The following PDGFRL variants were observed in gnomAD, a reference collection of about 807,000 sequenced individuals.
PDGFRL encodes platelet derived growth factor receptor like, also known as platelet-derived growth factor receptor-like protein.
Under a neutral mutation model 37.2 loss-of-function variants are expected in PDGFRL, and 46 were observed. The ratio of observed to expected loss-of-function variants is 1.24; its 90% CI spans 0.98 to 1.58. PDGFRL has a LOEUF of 1.58. Among genes scored for constraint, PDGFRL ranks in the 40% most tolerant of loss-of-function variants. PDGFRL has a pLI of 0.00. For missense variants in PDGFRL, 692 were observed against 467.6 expected, an observed-to-expected ratio of 1.48 and a Z score of -4.43; for synonymous variants, 251 against 184.3, an observed-to-expected ratio of 1.36 and a Z score of -2.93.
intron 1 of PDGFRL, among the ~76,000 whole-genome samples, chr8:17,587,036 G>A (rs1803833343): frequency 6.6e-6 from 1 of 152,156 alleles, no homozygotes; most frequent in South Asian, 2.1e-4. Flanking sequence ...TTAGGCTGAA[G>A]AGTCATATTC....
chr8:17,623,321 A>G (rs1804667769), intron 3 of PDGFRL, among the ~76,000 whole-genome samples: 1 of 152,212 alleles, frequency 6.6e-6, no homozygotes, highest in African/African-American at 2.4e-5. Context: ...GTTCATAGGC[A>G]ATCTCTTTGG....
chr8:17,588,085 G>T (rs1803854909), intron 1 of PDGFRL, among the ~76,000 whole-genome samples: 1 of 152,040 alleles, frequency 6.6e-6, no homozygotes, highest in Non-Finnish European at 1.5e-5. Context: ...TATAGAGAAG[G>T]CAAAAATGAC....
upstream of PDGFRL, chr8:17,577,151 G>A (rs571514134): frequency 2.2e-6 from 3 of 1,368,254 alleles, no homozygotes; most frequent in Admixed American, 7.5e-5. Context: ...GAATCCTCCC[G>A]CTTCGGCGTC....
chr8:17,613,457 A>G (rs1309948839), intron 2 of PDGFRL, among the ~76,000 whole-genome samples: 2 of 152,170 alleles, frequency 1.3e-5, no homozygotes, highest in Admixed American at 6.5e-5. Flanking sequence ...TATGGCGGGC[A>G]GAGTCCAGGC....
At chr8:17,583,418 C>T (rs1320378206) in intron 1 of PDGFRL, among the ~76,000 whole-genome samples, 1 of 152,188 alleles carries the variant, frequency 6.6e-6, no homozygotes, top group Non-Finnish European at 1.5e-5. Context: ...TTTTGATTTT[C>T]CAGGCTCACA....
chr8:17,612,257 G>A (rs930522904), intron 2 of PDGFRL, among the ~76,000 whole-genome samples: 14 of 152,172 alleles, frequency 9.2e-5, no homozygotes, highest in African/African-American at 2.2e-4. Flanking sequence ...TTGTGCTTAC[G>A]CATTTATGCA....
chr8:17,617,305 T>C (rs1804549198), intron 2 of PDGFRL, among the ~76,000 whole-genome samples: 1 of 152,170 alleles, frequency 6.6e-6, no homozygotes, highest in South Asian at 2.1e-4. Flanking sequence ...ATTCTGCTTC[T>C]CTTAGGACGC....
At chr8:17,640,618 C>A (rs550582155) in intron 5 of PDGFRL, among the ~76,000 whole-genome samples, 3 of 152,130 alleles carry the variant, frequency 2.0e-5, no homozygotes, top group African/African-American at 7.2e-5. Flanking sequence ...GTACAGAGTC[C>A]TTTGATGTCT....
At chr8:17,633,096 C>G (rs1173393871) in intron 4 of PDGFRL, among the ~76,000 whole-genome samples, 3 of 152,170 alleles carry the variant, frequency 2.0e-5, no homozygotes, top group Admixed American at 6.5e-5. Flanking sequence ...GTCCATCACC[C>G]TCCCTGCTCT....
intron 2 of PDGFRL, among the ~76,000 whole-genome samples, chr8:17,615,439 A>G (rs1379877587): frequency 6.6e-6 from 1 of 152,130 alleles, no homozygotes. Context: ...CTCTTAATTT[A>G]TAAGTGTTTG....
chr8:17,581,848 C>T (rs1249456798), intron 1 of PDGFRL, among the ~76,000 whole-genome samples: 4 of 152,078 alleles, frequency 2.6e-5, no homozygotes, highest in Admixed American at 2.6e-4. Context: ...CCTACGTATT[C>T]CTCTATAGCA....
intron 2 of PDGFRL, among the ~76,000 whole-genome samples, chr8:17,617,830 T>G (rs1281446113): frequency 1.3e-5 from 2 of 152,274 alleles, no homozygotes; most frequent in Non-Finnish European, 2.9e-5. Flanking sequence ...TCTTATACTT[T>G]CTATCACTAC....
At chr8:17,630,443 CGA>C (rs1227473054) in intron 4 of PDGFRL, among the ~76,000 whole-genome samples, 3 of 152,140 alleles carry the variant, frequency 2.0e-5, no homozygotes, top group Non-Finnish European at 4.4e-5. Context: ...TTGGTCATGT[CGA>C]GTTTCCCTTT....
At chr8:17,616,558 C>T (rs1243339274) in intron 2 of PDGFRL, among the ~76,000 whole-genome samples, 2 of 152,186 alleles carry the variant, frequency 1.3e-5, no homozygotes, top group Non-Finnish European at 1.5e-5. Flanking sequence ...AATAACATCG[C>T]TTTGTTCTGC....
At chr8:17,579,556 G>A (rs10709600) in intron 1 of PDGFRL, among the ~76,000 whole-genome samples, 5,073 of 119,506 alleles carry the variant, frequency 0.042, 115 homozygotes, top group East Asian at 0.081. Context: ...TATTATTATT[G>A]TTATTATTAT....
intron 1 of PDGFRL, among the ~76,000 whole-genome samples, chr8:17,580,348 T>A (rs1803680989): frequency 1.3e-5 from 2 of 152,168 alleles, no homozygotes; most frequent in African/African-American, 4.8e-5. Flanking sequence ...TAAAAATTAG[T>A]ACAGAAATAT....
intron 2 of PDGFRL, among the ~76,000 whole-genome samples, chr8:17,609,110 G>A (rs2720472): frequency 0.99 from 150,888 of 152,290 alleles, 74,762 homozygotes; most frequent in Middle Eastern, 1. Flanking sequence ...GGTCCTGGCT[G>A]CTTGGGAGGC....
chr8:17,585,608 A>C (rs1442866431), intron 1 of PDGFRL, among the ~76,000 whole-genome samples: 1 of 152,178 alleles, frequency 6.6e-6, no homozygotes, highest in South Asian at 2.1e-4. Context: ...TGAGTGGCTC[A>C]GAAGAATGTA....
chr8:17,639,492 A>G (rs1805047578), intron 5 of PDGFRL, among the ~76,000 whole-genome samples: 1 of 152,110 alleles, frequency 6.6e-6, no homozygotes, highest in East Asian at 1.9e-4. Context: ...TTTTCTCAGC[A>G]TTTGTTTGTC....
Sources: allele counts gnomAD v4.1 joint callset (sites outside exome capture counted in the v4.1 genomes callset), GRCh38; gene constraint gnomAD v4.1.1; transcripts MANE v1.5; gene names NCBI Gene and HGNC (gene_info 2026-07-23, HGNC 2026-07-21).